The following ZFHX3 variants were observed in gnomAD, a reference collection of about 807,000 sequenced individuals.
ZFHX3 encodes zinc finger homeobox 3, also known as zinc finger homeobox protein 3.
In ZFHX3, 42 loss-of-function variants were observed where a neutral mutation model predicts 279.1. The observed-to-expected ratio is 0.15, with a 90% CI of 0.12 to 0.19. The LOEUF (loss-of-function observed/expected upper bound fraction) is 0.19. Among genes scored for constraint, ZFHX3 ranks in the 10% least tolerant of loss-of-function variants. ZFHX3 has a pLI of 1.00. For missense variants in ZFHX3, 4,981 were observed against 4,754.0 expected (o/e 1.05, Z -1.40); for synonymous variants, 2,293 against 1,957.8 (o/e 1.17, Z -4.52).
At chr16:73,439,720 T>G (rs951753372) in intron 3 of ZFHX3, among the ~76,000 whole-genome samples, 2 of 152,002 alleles carry the variant, frequency 1.3e-5, no homozygotes, top group Middle Eastern at 3.4e-3. Flanking sequence ...GTTTTGCTGA[T>G]CTGCTTTGAT....
chr16:73,890,218 T>C (rs1307963385), intron 1 of ZFHX3, among the ~76,000 whole-genome samples: 1 of 145,208 alleles, frequency 6.9e-6, no homozygotes, highest in African/African-American at 2.6e-5. Context: ...TTCTTGTAAT[T>C]GTAAGAGTGT....
At chr16:73,054,204 A>G (rs1401536497) in intron 1 of ZFHX3, among the ~76,000 whole-genome samples, 1 of 152,220 alleles carries the variant, frequency 6.6e-6, no homozygotes, top group Non-Finnish European at 1.5e-5. Context: ...GTGTTGTCTA[A>G]TGAGGTAGCA....
At chr16:73,621,084 C>T (rs77978461) in intron 2 of ZFHX3, among the ~76,000 whole-genome samples, 8 of 152,300 alleles carry the variant, frequency 5.3e-5, no homozygotes, top group South Asian at 2.1e-4. Flanking sequence ...CTAGCACCAA[C>T]GGCCATTACT....
chr16:73,690,517 A>G (rs1456680472), intron 1 of ZFHX3, among the ~76,000 whole-genome samples: 1 of 152,192 alleles, frequency 6.6e-6, no homozygotes, highest in East Asian at 1.9e-4. Flanking sequence ...AATTGTTTAC[A>G]AAGACTGCTG....
At chr16:73,270,732 A>C (rs1384156845) in intron 4 of ZFHX3, among the ~76,000 whole-genome samples, 2 of 152,144 alleles carry the variant, frequency 1.3e-5, no homozygotes, top group East Asian at 3.9e-4. Context: ...GAAAGAGTTT[A>C]AAAACATATG....
At chr16:73,033,514 G>A (rs1254229761) in intron 1 of ZFHX3, among the ~76,000 whole-genome samples, 1 of 151,750 alleles carries the variant, frequency 6.6e-6, no homozygotes, top group Non-Finnish European at 1.5e-5. Context: ...TTGACTGGGG[G>A]GAAAGGGGGC....
intron 5 of ZFHX3, among the ~76,000 whole-genome samples, chr16:73,231,757 C>A (rs1218109672): frequency 6.6e-6 from 1 of 152,104 alleles, no homozygotes; most frequent in Non-Finnish European, 1.5e-5. Context: ...CGTTAAATTC[C>A]ATTCTTTGTC....
At chr16:73,664,054 T>C (rs2052811119) in intron 2 of ZFHX3, among the ~76,000 whole-genome samples, 1 of 152,170 alleles carries the variant, frequency 6.6e-6, no homozygotes, top group African/African-American at 2.4e-5. Context: ...GAACTGAATA[T>C]AAAATAATTT....
chr16:73,135,235 C>A (rs775339878), intron 6 of ZFHX3, among the ~76,000 whole-genome samples: 2 of 152,154 alleles, frequency 1.3e-5, no homozygotes, highest in African/African-American at 4.8e-5. Flanking sequence ...ATGCATCTAT[C>A]CATCTCCATC....
At chr16:73,334,935 A>G (rs1409775468) in intron 3 of ZFHX3, among the ~76,000 whole-genome samples, 1 of 144,810 alleles carries the variant, frequency 6.9e-6, no homozygotes, top group Non-Finnish European at 1.5e-5. Context: ...CCTGCTTTGC[A>G]CAAAGGGGGA....
Position 73,739,910 on chromosome 16 carries a change from G to A in ZFHX3, c.-1607-59670C>T, listed in dbSNP as rs139668767. On this transcript the variant is annotated intron_variant, in intron 1 of 17. Transcript: ENST00000641206. The stretch of plus-strand genomic sequence containing the variant: ...CTCTACCCCCAATGACCTCTTTCAT[G>A]TCCACCTCCACTCTGTATTTTTAAC... 8.8e-4 allele frequency among the ~76,000 whole-genome samples: 134 copies of A among 152,250 alleles called. 1 individual carries two copies. Among genetic ancestry groups the A allele is most frequent in the Non-Finnish European group, 1.4e-3 (96 of 68,014 alleles).
chr16:73,889,367 G>A (rs927998641), intron 1 of ZFHX3, among the ~76,000 whole-genome samples: 5 of 152,276 alleles, frequency 3.3e-5, no homozygotes, highest in South Asian at 4.1e-4. Context: ...AATAGTATCC[G>A]TGCACAGTGT....
chr16:73,013,958 T>C (rs1964006502), intron 1 of ZFHX3, among the ~76,000 whole-genome samples: 1 of 152,188 alleles, frequency 6.6e-6, no homozygotes, highest in African/African-American at 2.4e-5. Flanking sequence ...AAAGGAAACT[T>C]TGCAGATGCG....
chr16:73,318,674 A>G (rs2015508166), intron 3 of ZFHX3, among the ~76,000 whole-genome samples: 1 of 152,220 alleles, frequency 6.6e-6, no homozygotes, highest in Admixed American at 6.5e-5. Flanking sequence ...ATTTAGCAAA[A>G]GGATAAATAA....
intron 3 of ZFHX3, among the ~76,000 whole-genome samples, chr16:73,370,676 G>A (rs985701168): frequency 4.6e-5 from 7 of 152,144 alleles, no homozygotes; most frequent in South Asian, 2.1e-4. Flanking sequence ...GGTCAACTGC[G>A]GGAGGCTTCT....
chr16:73,276,770 CT>C (rs1371316445), intron 4 of ZFHX3, among the ~76,000 whole-genome samples: 1 of 152,166 alleles, frequency 6.6e-6, no homozygotes, highest in African/African-American at 2.4e-5. Flanking sequence ...AAGGGAACCA[CT>C]TAAGACAAAT....
intron 1 of ZFHX3, among the ~76,000 whole-genome samples, chr16:73,682,907 AG>A (rs1241008496): frequency 0.13 from 1,934 of 14,676 alleles, 44 homozygotes; most frequent in African/African-American, 0.17. Flanking sequence ...AGAAAGAAAG[AG>A]AAAGAAAGAG....
chr16:73,774,204 CAA>C (rs2054051322), intron 1 of ZFHX3, among the ~76,000 whole-genome samples: 1 of 152,028 alleles, frequency 6.6e-6, no homozygotes, highest in Non-Finnish European at 1.5e-5. Flanking sequence ...CTCCTTGGTC[CAA>C]AAACTCTCCA....
At chr16:73,326,541 T>C (rs2015692908) in intron 3 of ZFHX3, among the ~76,000 whole-genome samples, 1 of 152,198 alleles carries the variant, frequency 6.6e-6, no homozygotes, top group East Asian at 1.9e-4. Context: ...GTCTATTTAT[T>C]TGCAATGCCA....
Sources: gnomAD v4.1 joint callset for allele counts (sites outside exome capture counted in the v4.1 genomes callset) on GRCh38, gnomAD v4.1.1 for gene constraint, MANE v1.5 for transcripts, NCBI Gene and HGNC (gene_info 2026-07-23, HGNC 2026-07-21) for gene names.